OPCML: variants seen among roughly 807,000 people sequenced by gnomAD.
OPCML encodes opioid-binding protein/cell adhesion molecule.
OPCML carries 13 observed loss-of-function variants against 37.8 expected under a neutral mutation model. The observed-to-expected ratio is 0.34, with a 90% CI of 0.22 to 0.55. The LOEUF is 0.55. Among genes scored for constraint, OPCML ranks in the 20% least tolerant of loss-of-function variants. The probability of loss-of-function intolerance (pLI) is 0.91; values close to 1 mark genes in which losing one functional copy is unlikely to be tolerated. For synonymous variants in OPCML, 176 were observed against 168.8 expected, an observed-to-expected ratio of 1.04 and a Z score of -0.33; for missense variants, 341 against 435.6, an observed-to-expected ratio of 0.78 and a Z score of 1.93.
At chr11:132,736,319 T>G (rs1168257148) in intron 2 of OPCML, among the ~76,000 whole-genome samples, 1 of 152,190 alleles carries the variant, frequency 6.6e-6, no homozygotes, top group Non-Finnish European at 1.5e-5. Context: ...CTAGAACTGA[T>G]GTAAATGATG....
At chr11:133,401,439 T>C (rs1156582518) in intron 1 of OPCML, among the ~76,000 whole-genome samples, 1 of 152,128 alleles carries the variant, frequency 6.6e-6, no homozygotes, top group Non-Finnish European at 1.5e-5. Context: ...TGAACTAATA[T>C]TATTATTATA....
intron 1 of OPCML, among the ~76,000 whole-genome samples, chr11:133,436,380 G>C (rs1002464123): frequency 3.9e-5 from 6 of 152,188 alleles, no homozygotes; most frequent in Admixed American, 3.9e-4. Flanking sequence ...GCCATCTTTT[G>C]TGATCGGTCC....
In OPCML at chr11:132,659,784, CT is replaced by C. The variant is rs375758722; in HGVS notation, c.147-2466del. ...AGTGATTAACACTCCTGATTATCTG[CT>C]TTCAAAATTCAGGAACTAACTCTTT... On this transcript the variant is annotated intron_variant, in intron 2 of 7. Transcript: ENST00000524381. 4.2e-4 allele frequency among the ~76,000 whole-genome samples: 64 copies of C among 152,034 alleles called. 2 individuals are homozygous for C. In the South Asian group the frequency reaches 0.013, roughly 31 times the overall value.
chr11:132,601,216 C>T (rs1036307343), intron 3 of OPCML, among the ~76,000 whole-genome samples: 8 of 152,062 alleles, frequency 5.3e-5, no homozygotes, highest in African/African-American at 1.9e-4. Flanking sequence ...TTCTCCTGCT[C>T]AGAATGCCCT....
At position 132,993,198 on chromosome 11, in the gene OPCML, A is replaced by G. The variant is rs113998413; in HGVS notation, c.62-50188T>C. ...GACGTGCATGTCTATGTACGTAGGT[A>G]TCTGCCCACCCGAGGTTTGCATACA... is the stretch of plus-strand genomic sequence containing the variant. On this transcript the variant is annotated intron_variant, in intron 1 of 7. Transcript: ENST00000524381. Among the ~76,000 whole-genome samples, 634 of 152,318 alleles carry G rather than the reference A, an allele frequency of 4.2e-3. 4 individuals carry two copies. The highest frequency in any genetic ancestry group is 0.014 in the African/African-American group (602 of 41,562).
chr11:133,015,660 C>A (rs1202807539), intron 1 of OPCML, among the ~76,000 whole-genome samples: 1 of 152,170 alleles, frequency 6.6e-6, no homozygotes, highest in Non-Finnish European at 1.5e-5. Flanking sequence ...CAAGATATTG[C>A]CCAATTTTTT....
At chr11:132,893,830 G>A (rs757394550) in intron 2 of OPCML, among the ~76,000 whole-genome samples, 4 of 152,172 alleles carry the variant, frequency 2.6e-5, no homozygotes, top group Admixed American at 1.3e-4. Context: ...GCTGTATCTC[G>A]TCTCCTGGCT....
At chr11:133,186,704 C>T (rs1009741828) in intron 1 of OPCML, among the ~76,000 whole-genome samples, 1 of 152,144 alleles carries the variant, frequency 6.6e-6, no homozygotes, top group African/African-American at 2.4e-5. Context: ...GTTACATCCA[C>T]GAATGGAACA....
chr11:133,326,518 G>T (rs1464917526), intron 1 of OPCML, among the ~76,000 whole-genome samples: 1 of 138,710 alleles, frequency 7.2e-6, no homozygotes, highest in Admixed American at 7.0e-5. Context: ...GGGAGTGTGG[G>T]TATGTGTAAG....
intron 1 of OPCML, among the ~76,000 whole-genome samples, chr11:133,311,524 GT>G (rs1416971674): frequency 1.3e-5 from 2 of 152,202 alleles, no homozygotes; most frequent in Non-Finnish European, 2.9e-5. Context: ...GGGATGGGGT[GT>G]TTGGGTCAAA....
rs556842119 is a variant in OPCML at position 132,688,790 on chromosome 11, A to T, written c.147-31471T>A. On this transcript the variant is annotated intron_variant, in intron 2 of 7. Transcript: ENST00000524381. ...AACCCCGTCTCTACTAAAAAAAAAA[A>T]ATACAAAAAATTAGCCGGGCGCGGT... Among the ~76,000 whole-genome samples, 3 of 43,362 alleles carry T rather than the reference A, an allele frequency of 6.9e-5. 1 individual carries two copies. In the East Asian group the frequency reaches 1.7e-3, roughly 25 times the overall value. The allele number at this position is 43,362 out of a possible 152,430, so 28.4% of individuals were successfully genotyped here. A position where few individuals can be genotyped will look rare whatever the true frequency, so the allele number is the denominator to read the frequency against.
chr11:133,107,168 C>G (rs180857094), intron 1 of OPCML, among the ~76,000 whole-genome samples: 1 of 151,780 alleles, frequency 6.6e-6, no homozygotes. Flanking sequence ...AACAGTGGGC[C>G]CTTCTGTAGT....
intron 1 of OPCML, among the ~76,000 whole-genome samples, chr11:133,480,960 C>A (rs1947359179): frequency 6.6e-6 from 1 of 152,216 alleles, no homozygotes; most frequent in Non-Finnish European, 1.5e-5. Context: ...AATTACATGC[C>A]ATGGCACCAA....
chr11:132,845,823 C>G (rs1366368654), intron 2 of OPCML, among the ~76,000 whole-genome samples: 1 of 151,954 alleles, frequency 6.6e-6, no homozygotes, highest in African/African-American at 2.4e-5. Context: ...TTATTTTTTT[C>G]TAGTCTAGTA....
intron 2 of OPCML, among the ~76,000 whole-genome samples, chr11:132,658,606 C>T (rs757542615): frequency 2.6e-5 from 4 of 152,214 alleles, no homozygotes; most frequent in Non-Finnish European, 5.9e-5. Flanking sequence ...GTCACCCAGG[C>T]CTTTTTATGA....
intron 1 of OPCML, among the ~76,000 whole-genome samples, chr11:133,249,103 T>C (rs1941044457): frequency 6.6e-6 from 1 of 152,178 alleles, no homozygotes; most frequent in African/African-American, 2.4e-5. Context: ...AGATTTAGTC[T>C]GGTTTTGTGT....
chr11:133,386,878 C>A (rs1945066769), intron 1 of OPCML, among the ~76,000 whole-genome samples: 1 of 152,168 alleles, frequency 6.6e-6, no homozygotes, highest in Non-Finnish European at 1.5e-5. Flanking sequence ...TTAGGGGTGT[C>A]CGTGAGGGCA....
intron 1 of OPCML, among the ~76,000 whole-genome samples, chr11:133,248,302 C>A (rs1941017704): frequency 6.6e-6 from 1 of 152,074 alleles, no homozygotes; most frequent in South Asian, 2.1e-4. Flanking sequence ...GAGTTAGGTA[C>A]CTGTGGGTTA....
chr11:133,113,967 G>A (rs1351771927), intron 1 of OPCML, among the ~76,000 whole-genome samples: 2 of 152,142 alleles, frequency 1.3e-5, no homozygotes, highest in Non-Finnish European at 2.9e-5. Flanking sequence ...TGAAAACTTG[G>A]CCTCATGCTT....
Sources: gnomAD v4.1 joint callset for allele counts (sites outside exome capture counted in the v4.1 genomes callset) on GRCh38, gnomAD v4.1.1 for gene constraint, MANE v1.5 for transcripts, NCBI Gene and HGNC (gene_info 2026-07-23, HGNC 2026-07-21) for gene names.